Variants in RBPMS observed in about 807,000 individuals in gnomAD.
The protein encoded by RBPMS is RNA-binding protein with multiple splicing.
RBPMS carries 7 observed loss-of-function variants against 26.8 expected under a neutral mutation model. The ratio of observed to expected loss-of-function variants is 0.26; its 90% confidence interval spans 0.15 to 0.49. The LOEUF (loss-of-function observed/expected upper bound fraction) is 0.49, where lower values mean the gene tolerates loss of function less well. Ranked by LOEUF, RBPMS falls within the 20% of genes least tolerant of loss-of-function variation. The pLI is 0.98. For synonymous variants in RBPMS, 96 were observed against 93.3 expected (o/e 1.03, Z -0.17); for missense variants, 186 against 250.0 (o/e 0.74, Z 1.73).
intron 5 of RBPMS, among the ~76,000 whole-genome samples, chr8:30,511,529 CTG>C (rs10596340): frequency 0.54 from 64,993 of 119,532 alleles, 17,148 homozygotes; most frequent in Middle Eastern, 0.64. Flanking sequence ...ATATATATTT[CTG>C]TGTGTGTGTG....
At chr8:30,476,401 C>G (rs1317439533) in intron 2 of RBPMS, among the ~76,000 whole-genome samples, 1 of 152,200 alleles carries the variant, frequency 6.6e-6, no homozygotes, top group African/African-American at 2.4e-5. Context: ...TGTCCTTTGC[C>G]TTCAAGACCT....
intron 6 of RBPMS, chr8:30,556,805 G>A (rs1247942446): frequency 2.0e-6 from 2 of 985,582 alleles, no homozygotes; most frequent in East Asian, 1.1e-4. Context: ...GTAGGTATGA[G>A]TTCTTTCTTC....
intron 1 of RBPMS, among the ~76,000 whole-genome samples, chr8:30,415,642 G>C (rs545891908): frequency 5.8e-4 from 88 of 152,318 alleles, no homozygotes; most frequent in South Asian, 1.4e-3. Context: ...CTTGGATGGG[G>C]AGAGGCCAAG....
intron 1 of RBPMS, among the ~76,000 whole-genome samples, chr8:30,461,526 C>T (rs1815894839): frequency 6.6e-6 from 1 of 152,148 alleles, no homozygotes; most frequent in Non-Finnish European, 1.5e-5. Context: ...TCCTGAGTAG[C>T]TGGAACTACA....
chr8:30,506,759 G>A (rs1337479042), intron 5 of RBPMS, among the ~76,000 whole-genome samples: 1 of 152,168 alleles, frequency 6.6e-6, no homozygotes, highest in Non-Finnish European at 1.5e-5. Context: ...TTTGGTTACT[G>A]TTTTTATATG....
chr8:30,422,784 CAT>C (rs968035943), intron 1 of RBPMS, among the ~76,000 whole-genome samples: 1 of 152,034 alleles, frequency 6.6e-6, no homozygotes, highest in African/African-American at 2.4e-5. Flanking sequence ...CCAAGAAAAT[CAT>C]AGGAAAAATA....
intron 1 of RBPMS, among the ~76,000 whole-genome samples, chr8:30,459,339 T>A (rs75441214): frequency 1.3e-5 from 2 of 151,938 alleles, no homozygotes; most frequent in African/African-American, 4.8e-5. Context: ...CAGGCTTTCC[T>A]TGAACTCGTG....
intron 1 of RBPMS, among the ~76,000 whole-genome samples, chr8:30,469,907 T>C (rs940260461): frequency 3.3e-5 from 5 of 152,162 alleles, no homozygotes; most frequent in African/African-American, 1.2e-4. Flanking sequence ...CTTTCTGTTA[T>C]CACAGGCAGC....
chr8:30,446,852 CGCGCGCGG>C (rs1360084203), intron 1 of RBPMS: 1 of 120,882 alleles, frequency 8.3e-6, no homozygotes, highest in African/African-American at 3.3e-5. Flanking sequence ...TGCGCGCGCG[CGCGCGCGG>C]TGGAGGGTAG....
At chr8:30,438,932 C>A (rs1331104446) in intron 1 of RBPMS, among the ~76,000 whole-genome samples, 4 of 152,238 alleles carry the variant, frequency 2.6e-5, no homozygotes, top group Non-Finnish European at 5.9e-5. Flanking sequence ...TGCCACCACA[C>A]CCGGCTAATT....
intron 6 of RBPMS, among the ~76,000 whole-genome samples, chr8:30,551,057 G>C (rs1199277892): frequency 6.6e-6 from 1 of 152,206 alleles, no homozygotes; most frequent in African/African-American, 2.4e-5. Context: ...AGGCAATGGA[G>C]TTACAGCTTG....
intron 1 of RBPMS, among the ~76,000 whole-genome samples, chr8:30,453,291 C>T (rs1814811301): frequency 6.6e-6 from 1 of 152,106 alleles, no homozygotes; most frequent in African/African-American, 2.4e-5. Flanking sequence ...AGAATCTCAG[C>T]CCCCACGTTA....
intron 1 of RBPMS, among the ~76,000 whole-genome samples, chr8:30,431,478 A>G (rs187704862): frequency 8.5e-5 from 12 of 141,976 alleles, no homozygotes; most frequent in Admixed American, 8.1e-4. Flanking sequence ...CTTGAGACGG[A>G]CTCTCTCATT....
In RBPMS at chr8:30,385,172, C is replaced by T. The variant is rs1185385315; in HGVS notation, c.66+14C>T. The stretch of plus-strand genomic sequence containing the variant: ...CAGGAGGAGGAGGTACTGGGCGGCT[C>T]GGTGTGGTGGCGGGGGCGACGCGGG... On this transcript the variant is annotated intron_variant, in intron 1 of 8. Transcript: ENST00000397323. The T allele has an allele frequency of 1.4e-6, 2 of 1,479,740 alleles. No individual in the cohort carries two copies. Among genetic ancestry groups the T allele is most frequent in the Non-Finnish European group, 1.8e-6 (2 of 1,112,428 alleles). The allele number at this position is 1,479,740 out of a possible 1,614,324, so 91.7% of individuals were successfully genotyped here.
rs1563326509 is a variant in RBPMS, at chr8:30,446,843, G to GTGCA, written c.67-27936_67-27935insTGCA. 5.7e-4 allele frequency: 33 copies of GTGCA among 57,878 alleles called. 1 individual carries two copies. Among genetic ancestry groups the GTGCA allele is most frequent in the African/African-American group, 3.1e-3 (33 of 10,600 alleles). The allele number at this position is 57,878 out of a possible 1,614,324, so 3.6% of individuals were successfully genotyped here. A position where few individuals can be genotyped will look rare whatever the true frequency, so the allele number is the denominator to read the frequency against. ...TGTGTGTGTGTGTGTGTGTGTGTGT[G>GTGCA]CGCGCGCGCGCGCGCGGTGGAGGGT... is the stretch of plus-strand genomic sequence containing the variant. On this transcript the variant is annotated intron_variant, in intron 1 of 8. Transcript: ENST00000397323.
intron 4 of RBPMS, among the ~76,000 whole-genome samples, chr8:30,500,426 T>G (rs932816941): frequency 6.6e-6 from 1 of 152,174 alleles, no homozygotes; most frequent in African/African-American, 2.4e-5. Flanking sequence ...TAAGCATTTT[T>G]TTTCTAAATG....
chr8:30,560,336 G>A (rs543490265), intron 7 of RBPMS, among the ~76,000 whole-genome samples: 3 of 152,228 alleles, frequency 2.0e-5, no homozygotes, highest in African/African-American at 4.8e-5. Context: ...TTCTGTGTTC[G>A]CAAAGGAGAG....
chr8:30,547,649 C>T (rs1825979454), intron 6 of RBPMS: 3 of 509,312 alleles, frequency 5.9e-6, no homozygotes, highest in Non-Finnish European at 9.5e-6. Context: ...GGACTCAGAA[C>T]GAGCTTCCTG....
chr8:30,572,059 G>T lies in RBPMS; in HGVS notation c.*1534G>T, dbSNP rs1362524128. ...TTACCGTAAATAAGGGGAAAAGGCA[G>T]TTAGCTCAAGGACTTGTGACGGATC... On this transcript the variant is annotated 3_prime_UTR_variant, in exon 9 of 9. Coordinates refer to ENST00000397323, the MANE Select transcript of RBPMS (RefSeq NM_001008710.3). The T allele has an allele frequency of 1.3e-5, 2 of 152,230 alleles. No homozygotes were observed. The highest frequency in any genetic ancestry group is 2.9e-5 in the Non-Finnish European group (2 of 68,050). The allele number at this position is 152,230 out of a possible 1,614,324, so 9.4% of individuals were successfully genotyped here. A position where few individuals can be genotyped will look rare whatever the true frequency, so the allele number is the denominator to read the frequency against.
Sources: allele counts gnomAD v4.1 joint callset (sites outside exome capture counted in the v4.1 genomes callset), GRCh38; gene constraint gnomAD v4.1.1; transcripts MANE v1.5; gene names NCBI Gene and HGNC (gene_info 2026-07-23, HGNC 2026-07-21).